The following ELP1 variants were observed in gnomAD, a reference collection of about 807,000 sequenced individuals.
ELP1 encodes the protein elongator acetyltransferase complex subunit 1, also known as elongator complex protein 1.
A neutral mutation model predicts 183.2 loss-of-function variants in ELP1; 131 were observed. That is an observed-to-expected ratio of 0.72 (90% CI 0.62 to 0.83). The LOEUF (loss-of-function observed/expected upper bound fraction) is 0.83. Among genes scored for constraint, ELP1 ranks in the 40% least tolerant of loss-of-function variants. ELP1 has a pLI of 0.00. For synonymous variants in ELP1, 555 were observed against 569.0 expected (o/e 0.98, Z 0.35); for missense variants, 1,550 against 1,594.9 (o/e 0.97, Z 0.48).
intron 28 of ELP1, 86 bp downstream of exon 28, chr9:108,891,117 C>G (rs1194851843): frequency 7.5e-7 from 1 of 1,335,506 alleles, no homozygotes; most frequent in Non-Finnish European, 1.1e-6. Context: ...GTATTCTGCC[C>G]TAAATTTATT....
intron 11 of ELP1, among the ~76,000 whole-genome samples, 179 bp downstream of exon 11, chr9:108,912,085 G>A (rs1465210888): frequency 6.6e-6 from 1 of 152,036 alleles, no homozygotes; most frequent in Non-Finnish European, 1.5e-5. Context: ...GGGGGAGGGG[G>A]GACAATGGTT....
intron 11 of ELP1, 75 bp from the exon 12 acceptor site, chr9:108,911,255 G>T: frequency 1.5e-6 from 2 of 1,358,328 alleles, no homozygotes; most frequent in Non-Finnish European, 2.1e-6. Flanking sequence ...GAACATCACA[G>T]TATATCTAAA....
At position 108,897,056 on chromosome 9, in the gene ELP1, G is replaced by T. The variant is rs776675315; in HGVS notation, c.2502-18C>A. 2.5e-6 allele frequency: 4 copies of T among 1,613,298 alleles called. No homozygotes were observed. The East Asian group carries it at 8.9e-5, about 36-fold the overall frequency. On this transcript the variant is annotated intron_variant, in intron 23 of 36. Coordinates refer to ENST00000374647, the MANE Select transcript of ELP1 (RefSeq NM_003640.5). ...GGCAGTATCTGAGGTAATAAGTGAA[G>T]AACACCAGAATGAGAAAGGTAAGTA...
intron 29 of ELP1, 141 bp downstream of exon 29, chr9:108,889,191 C>T: frequency 1.2e-6 from 1 of 822,498 alleles, no homozygotes. Context: ...GTCAAGCCAG[C>T]AAGATAAGAC....
chr9:108,919,770 G>A (rs189734468), intron 6 of ELP1, among the ~76,000 whole-genome samples: 1 of 152,266 alleles, frequency 6.6e-6, no homozygotes, highest in African/African-American at 2.4e-5. Context: ...TGTGAACAAG[G>A]TGAATAGGGA....
intron 16 of ELP1, 43 bp from the exon 17 acceptor site, chr9:108,901,724 A>G: frequency 6.3e-7 from 1 of 1,580,174 alleles, no homozygotes; most frequent in South Asian, 1.1e-5. Flanking sequence ...TTCTATCTCA[A>G]ATCAGTTAAA....
intron 35 of ELP1, 103 bp downstream of exon 35, chr9:108,877,892 T>C: frequency 8.4e-7 from 1 of 1,188,646 alleles, no homozygotes; most frequent in Non-Finnish European, 1.3e-6. Flanking sequence ...CTATGGCATC[T>C]TATGTTTTAA....
intron 3 of ELP1, among the ~76,000 whole-genome samples, chr9:108,929,070 T>A (rs1429640939): frequency 6.6e-6 from 1 of 152,264 alleles, no homozygotes; most frequent in Non-Finnish European, 1.5e-5. Flanking sequence ...GCCAGGCACA[T>A]GATAGTTAAT....
At position 108,934,109 on chromosome 9, in the gene ELP1, G is replaced by C. The variant is rs2275641; in HGVS notation, c.-301C>G. The C allele has an allele frequency of 0.36, 77,047 of 212,228 alleles. 14,594 individuals are homozygous for C. Among genetic ancestry groups the C allele is most frequent in the Admixed American group, 0.45 (7,086 of 15,688 alleles). 13.1% of individuals were successfully genotyped at this position (212,228 alleles called of 1,614,324 possible). A position where few individuals can be genotyped will look rare whatever the true frequency, so the allele number is the denominator to read the frequency against. On this transcript the variant is annotated 5_prime_UTR_variant, in exon 1 of 37. Transcript: ENST00000374647. ...CAATGGGTGCGTCAACTAGGCAGCC[G>C]CAGCACTGGGAGTGCGGCGCGGGAG...
In ELP1 at chr9:108,899,814, G is replaced by A; in HGVS notation, c.2204+8C>T. 3 of 1,609,760 alleles carry A rather than the reference G, an allele frequency of 1.9e-6. No homozygotes were observed. The highest frequency in any genetic ancestry group is 2.6e-6 in the Non-Finnish European group (3 of 1,176,060). ...CTAACTAGTCGCAAACAGTACAATG[G>A]CACTTACTTGTCCAACCACTTCCGA... On this transcript the variant is annotated splice_region_variant and intron_variant, in intron 20 of 36. Transcript: ENST00000374647.
chr9:108,929,873 C>G lies in ELP1; in HGVS notation c.199G>C (p.Gly67Arg). ...TGAACACCAACAATGCGGCCACTTC[C>G]ATCCTCTGGGAGAAAGCCTTCTGCC... ...LVAEGFLPED[G>R]SGRIVGVQDL... is the part of the protein sequence containing the mutation. Residue 67 changes from glycine (G) to arginine (R), a missense_variant, in exon 3 of 37, where the codon GGA becomes CGA. Coordinates refer to ENST00000374647, the MANE Select transcript of ELP1 (RefSeq NM_003640.5). 1.2e-6 allele frequency: 2 copies of G among 1,613,942 alleles called. No homozygotes were observed. Among genetic ancestry groups the G allele is most frequent in the Non-Finnish European group, 1.7e-6 (2 of 1,180,046 alleles).
At chr9:108,908,226 A>T in intron 13 of ELP1, 79 bp downstream of exon 13, 1 of 1,030,340 alleles carries the variant, frequency 9.7e-7, no homozygotes, top group South Asian at 1.3e-5. Flanking sequence ...CAGGCATAGA[A>T]CTGTTATCAG....
chr9:108,891,442 T>C (rs1828333237), intron 27 of ELP1, 38 bp from the exon 28 acceptor site: 1 of 1,580,544 alleles, frequency 6.3e-7, no homozygotes, highest in Non-Finnish European at 8.7e-7. Flanking sequence ...GGAGGAAATA[T>C]GACAATCATT....
Position 108,896,603 on chromosome 9 carries a change from C to T in ELP1, c.2629G>A (p.Ala877Thr), listed in dbSNP as rs146958186. 1.4e-5 allele frequency: 23 copies of T among 1,613,680 alleles called. No individual in the cohort carries two copies. Among genetic ancestry groups the T allele is most frequent in the Non-Finnish European group, 1.9e-5 (23 of 1,179,736 alleles). The change falls in exon 25 of 37, where the codon GCC becomes ACC. Residue 877 changes from alanine to threonine, a missense_variant. Physicochemically the swap from Ala to Thr is moderately conservative, Grantham distance 58. Transcript: ENST00000374647. ...SDPDAVSAEE[A>T]LKYLLHLVDV... is the part of the protein sequence containing the mutation. ...ACCAGATGCAGCAAATATTTCAAGGCCTCTTCAGCACTCACAGCATCAGGA... is the reference window on the plus strand; with the variant it reads ...ACCAGATGCAGCAAATATTTCAAGGTCTCTTCAGCACTCACAGCATCAGGA...
rs372571633 is a variant in ELP1, at chr9:108,929,778, G to A, written c.294C>T (p.Ser98=). The stretch of plus-strand genomic sequence containing the variant: ...GGAGTCTTCCACTTACCTGTTGTGT[G>A]CTGAGACTGCAGAGTATGACGTCTC... The part of the protein sequence containing the change: ...ASGDVILCSL[S]TQQLECVGSV... Residue 98 remains serine, a synonymous_variant, in exon 3 of 37, where the codon AGC becomes AGT. Transcript: ENST00000374647. The A allele has an allele frequency of 1.2e-6, 2 of 1,614,044 alleles. No individual in the cohort carries two copies. The highest frequency in any genetic ancestry group is 2.7e-5 in the African/African-American group (2 of 75,036).
chr9:108,881,666 C>T, intron 31 of ELP1, 39 bp downstream of exon 31: 1 of 1,287,282 alleles, frequency 7.8e-7, no homozygotes. Flanking sequence ...TCCTCACCTT[C>T]TTCCAAATGA....
intron 14 of ELP1, 31 bp downstream of exon 14, chr9:108,906,272 A>C (rs972226960): frequency 3.7e-6 from 6 of 1,608,204 alleles, no homozygotes. Context: ...CATTTGCTTA[A>C]CATGTGGAGT....
At chr9:108,893,867 AAC>A (rs1697354464) in intron 26 of ELP1, 74 bp downstream of exon 26, 5 of 1,464,662 alleles carry the variant, frequency 3.4e-6, no homozygotes, top group East Asian at 2.3e-5. Flanking sequence ...TGTCTAAACT[AAC>A]AGTTTAATTT....
intron 13 of ELP1, 67 bp downstream of exon 13, chr9:108,908,238 T>C (rs1829089162): frequency 2.6e-6 from 3 of 1,154,666 alleles, no homozygotes; most frequent in Middle Eastern, 1.9e-4. Context: ...TGTTATCAGA[T>C]GGCTGAATTT....
Sources: gnomAD v4.1 joint callset for allele counts (sites outside exome capture counted in the v4.1 genomes callset) on GRCh38, gnomAD v4.1.1 for gene constraint, MANE v1.5 for transcripts, NCBI Gene and HGNC (gene_info 2026-07-23, HGNC 2026-07-21) for gene names.